Variants in TMPRSS11B observed in about 807,000 individuals in gnomAD.
TMPRSS11B encodes transmembrane serine protease 11B.
A neutral mutation model predicts 44.7 loss-of-function variants in TMPRSS11B; 53 were observed. The ratio of observed to expected loss-of-function variants is 1.19; its 90% CI spans 0.95 to 1.49. The LOEUF is 1.49. Ranked by LOEUF, TMPRSS11B falls within the 40% of genes most tolerant of loss-of-function variation. The pLI is 0.00. For missense variants in TMPRSS11B, 526 were observed against 494.8 expected (o/e 1.06, Z -0.60); for synonymous variants, 140 against 159.2 (o/e 0.88, Z 0.91).
intron 1 of TMPRSS11B, among the ~76,000 whole-genome samples, chr4:68,242,261 T>TACATA (rs1560445464): frequency 7.0e-5 from 4 of 56,824 alleles, no homozygotes; most frequent in African/African-American, 2.5e-4. Flanking sequence ...TATTATAATA[T>TACATA]ATATAATATA....
chr4:68,229,528 A>C lies in TMPRSS11B; in HGVS notation c.687-12T>G, dbSNP rs1719453061. On this transcript the variant is annotated splice_polypyrimidine_tract_variant and intron_variant, in intron 7 of 9. Coordinates refer to ENST00000332644, the MANE Select transcript of TMPRSS11B (RefSeq NM_182502.3). ...TTGAATTATTTTTCCTAGAGGACAC[A>C]ATGTAATTAGAATACACTCAGTTGC... The C allele has an allele frequency of 6.2e-7, 1 of 1,606,402 alleles. No homozygotes were observed. Among genetic ancestry groups the C allele is most frequent in the Non-Finnish European group, 8.5e-7 (1 of 1,175,722 alleles).
intron 7 of TMPRSS11B, 150 bp downstream of exon 7, chr4:68,231,053 C>G (rs1344260073): frequency 1.7e-6 from 1 of 603,432 alleles, no homozygotes; most frequent in Non-Finnish European, 2.5e-6. Flanking sequence ...CTTTCCTGCT[C>G]TTTAATTACG....
In TMPRSS11B at chr4:68,231,356, C is replaced by T. The variant is rs1350053249; in HGVS notation, c.533G>A (p.Ser178Asn). 9 of 1,613,328 alleles carry T rather than the reference C, an allele frequency of 5.6e-6. No individual in the cohort carries two copies. The Admixed American group carries it at 6.7e-5, about 12-fold the overall frequency. The change falls in exon 7 of 10, where the codon AGT becomes AAT. Residue 178 changes from serine to asparagine, a missense_variant. Transcript: ENST00000332644. ...NNCCGRQVAN[S>N]IITGNKIVNG... ...CACAATTTTGTTGCCAGTTATGATACTGTTGGCTACTTGTCTCCCACAACC... is the reference window on the plus strand; with the variant it reads ...CACAATTTTGTTGCCAGTTATGATATTGTTGGCTACTTGTCTCCCACAACC...
At chr4:68,229,569 T>C in intron 7 of TMPRSS11B, 53 bp from the exon 8 acceptor site, 1 of 1,488,014 alleles carries the variant, frequency 6.7e-7, no homozygotes, top group Non-Finnish European at 9.1e-7. Context: ...CACAACACTG[T>C]TCTTAGTGGT....
chr4:68,228,674 T>C, intron 9 of TMPRSS11B, 68 bp downstream of exon 9: 1 of 1,525,676 alleles, frequency 6.6e-7, no homozygotes, highest in Non-Finnish European at 8.8e-7. Context: ...CAAAAAAAAT[T>C]TTATGTGGAT....
rs1328024598 is a variant in TMPRSS11B at position 68,227,984 on chromosome 4, T to G, written c.1178A>C (p.Lys393Thr). ...GIVSWGDGCG[K>T]KNKPGVYTRV... ...AGTATAGACACCTGGCTTATTCTTT[T>G]TACCACATCCATCACCCCAGCTTAC... The change falls in exon 10 of 10, where the codon AAA becomes ACA. Residue 393 changes from lysine to threonine, a missense_variant. Coordinates refer to ENST00000332644, the MANE Select transcript of TMPRSS11B (RefSeq NM_182502.3). 1 of 1,614,068 alleles carries G rather than the reference T, an allele frequency of 6.2e-7. No homozygotes were observed. Among genetic ancestry groups the G allele is most frequent in the East Asian group, 2.2e-5 (1 of 44,860 alleles).
rs536471242 is a variant in TMPRSS11B at position 68,229,358 on chromosome 4, A to G, written c.845T>C (p.Phe282Ser). The G allele has an allele frequency of 1.1e-5, 18 of 1,614,090 alleles. No individual in the cohort carries two copies. The highest frequency in any genetic ancestry group is 1.1e-4 in the African/African-American group (8 of 75,046). ...ACAAATCTTACGAATGTACTCTGTA[A>G]AAGAAACTTCTTCAGCAAGCTGCAC... ...ALVQLAEEVS[F>S]TEYIRKICLP... Residue 282 changes from phenylalanine (F) to serine (S), a missense_variant, in exon 8 of 10, where the codon TTT becomes TCT. Phe to Ser is a radical substitution (Grantham distance 155). Transcript: ENST00000332644.
At chr4:68,238,519 T>C (rs1719735335) in intron 2 of TMPRSS11B, among the ~76,000 whole-genome samples, 1 of 151,372 alleles carries the variant, frequency 6.6e-6, no homozygotes, top group Non-Finnish European at 1.5e-5. Context: ...GGTCAGGGGT[T>C]CAAGACCAGC....
chr4:68,242,631 A>G (rs542077222), intron 1 of TMPRSS11B, among the ~76,000 whole-genome samples: 2 of 150,128 alleles, frequency 1.3e-5, no homozygotes, highest in East Asian at 2.0e-4. Flanking sequence ...GTGCAGTAGT[A>G]CAATCTCAGC....
At chr4:68,232,607 A>G (rs906536433) in intron 5 of TMPRSS11B, among the ~76,000 whole-genome samples, 191 bp from the exon 6 acceptor site, 17 of 152,166 alleles carry the variant, frequency 1.1e-4, no homozygotes, top group Admixed American at 2.0e-4. Flanking sequence ...CCATATCTCT[A>G]CTAGGTAGCC....
At chr4:68,229,141 T>C (rs1173806917) in intron 8 of TMPRSS11B, 116 bp downstream of exon 8, 1 of 1,160,786 alleles carries the variant, frequency 8.6e-7, no homozygotes, top group Non-Finnish European at 1.2e-6. Flanking sequence ...CTTGGTTTTC[T>C]TTTCAGTATA....
At chr4:68,244,228 A>G (rs991118997) in intron 1 of TMPRSS11B, among the ~76,000 whole-genome samples, 8 of 152,242 alleles carry the variant, frequency 5.3e-5, no homozygotes, top group African/African-American at 1.7e-4. Flanking sequence ...CTCACTTAAC[A>G]AAGGAAATAG....
At chr4:68,236,409 T>A in intron 2 of TMPRSS11B, 143 bp from the exon 3 acceptor site, 1 of 594,448 alleles carries the variant, frequency 1.7e-6, no homozygotes, top group Non-Finnish European at 3.0e-6. Flanking sequence ...TACCTCTGCC[T>A]TAACATTTAT....
chr4:68,243,491 C>T (rs1719917469), intron 1 of TMPRSS11B, among the ~76,000 whole-genome samples: 1 of 152,078 alleles, frequency 6.6e-6, no homozygotes, highest in Admixed American at 6.6e-5. Flanking sequence ...TTCGCAGAAC[C>T]AACATTATTC....
intron 2 of TMPRSS11B, among the ~76,000 whole-genome samples, chr4:68,241,392 G>T (rs995706981): frequency 6.6e-6 from 1 of 151,992 alleles, no homozygotes; most frequent in South Asian, 2.1e-4. Flanking sequence ...TTTACTACAG[G>T]ATGTAACAAT....
At chr4:68,237,412 T>C (rs1477958999) in intron 2 of TMPRSS11B, among the ~76,000 whole-genome samples, 1 of 152,136 alleles carries the variant, frequency 6.6e-6, no homozygotes, top group African/African-American at 2.4e-5. Flanking sequence ...GGTGCATATG[T>C]CTTTATAGTA....
Position 68,236,079 on chromosome 4 carries a change from GA to G in TMPRSS11B, c.241-11del, listed in dbSNP as rs537766469. 20 of 1,581,268 alleles carry G rather than the reference GA, an allele frequency of 1.3e-5. No homozygotes were observed. The Admixed American group carries it at 2.1e-4, about 17-fold the overall frequency. ...GAAATGCATTTAACATCTGACAAGA[GA>G]AAAAAAACAGTCATCATGTATGTTT... On this transcript the variant is annotated splice_polypyrimidine_tract_variant and intron_variant, in intron 3 of 9. Coordinates refer to ENST00000332644, the MANE Select transcript of TMPRSS11B (RefSeq NM_182502.3).
rs376832399 is a variant in TMPRSS11B, at chr4:68,234,574, G to A, written c.358C>T (p.Pro120Ser). The A allele has an allele frequency of 4.3e-5, 70 of 1,613,806 alleles. No individual in the cohort carries two copies. In the Middle Eastern group the frequency reaches 9.9e-4, roughly 23 times the overall value. Residue 120 changes from proline (P) to serine (S), a missense_variant, in exon 5 of 10, where the codon CCT becomes TCT. By Grantham distance (74) the Pro-to-Ser change is moderately conservative (BLOSUM62 -1). Transcript: ENST00000332644. ...CTCATGCTAACTCCTTCTGCTGGAG[G>A]AAACTTGAATTTCAGCTGTAACTGC... The part of the protein sequence containing the change: ...NVQLQLKFKF[P>S]PAEGVSMRTK...
At chr4:68,230,742 T>C (rs1719487112) in intron 7 of TMPRSS11B, among the ~76,000 whole-genome samples, 1 of 151,098 alleles carries the variant, frequency 6.6e-6, no homozygotes. Context: ...AGGCAGAGTT[T>C]GCAGTGAGCT....
Sources: gnomAD v4.1 joint callset for allele counts (sites outside exome capture counted in the v4.1 genomes callset) on GRCh38, gnomAD v4.1.1 for gene constraint, MANE v1.5 for transcripts, NCBI Gene and HGNC (gene_info 2026-07-23, HGNC 2026-07-21) for gene names.